DLGAP2: variants seen among roughly 807,000 people sequenced by gnomAD.
The protein encoded by DLGAP2 is DLG associated protein 2.
In DLGAP2, 26 loss-of-function variants were observed where a neutral mutation model predicts 100.3. The observed-to-expected ratio is 0.26, with a 90% CI of 0.19 to 0.36. The LOEUF (loss-of-function observed/expected upper bound fraction) is 0.36, where lower values mean the gene tolerates loss of function less well. DLGAP2 is among the 10% of genes least tolerant of loss of function. The pLI, the probability that DLGAP2 is intolerant of heterozygous loss-of-function variation, is 1.00. For missense variants in DLGAP2, 1,858 were observed against 1,453.2 expected, an observed-to-expected ratio of 1.28 and a Z score of -4.53; for synonymous variants, 886 against 630.1, an observed-to-expected ratio of 1.41 and a Z score of -6.08.
chr8:1,309,456 T>C (rs1800563409), intron 3 of DLGAP2, among the ~76,000 whole-genome samples: 1 of 152,144 alleles, frequency 6.6e-6, no homozygotes, highest in Non-Finnish European at 1.5e-5. Flanking sequence ...AATGGGATGA[T>C]AAAGTTCCTA....
At chr8:890,543 G>A (rs767661576) in intron 1 of DLGAP2, among the ~76,000 whole-genome samples, 2 of 151,864 alleles carry the variant, frequency 1.3e-5, no homozygotes, top group Non-Finnish European at 2.9e-5. Flanking sequence ...TCTGGGTCTC[G>A]ATGGCGCCTC....
chr8:1,230,377 A>G (rs1334165295), intron 2 of DLGAP2, among the ~76,000 whole-genome samples: 1 of 152,200 alleles, frequency 6.6e-6, no homozygotes, highest in Non-Finnish European at 1.5e-5. Context: ...ACAAGCAACC[A>G]AAAACATTCC....
chr8:909,027 A>T (rs1484628695), intron 2 of DLGAP2, among the ~76,000 whole-genome samples: 1 of 152,210 alleles, frequency 6.6e-6, no homozygotes, highest in East Asian at 1.9e-4. Flanking sequence ...CACCAGGTGT[A>T]TTGAGAAAAA....
intron 6 of DLGAP2, among the ~76,000 whole-genome samples, chr8:1,606,637 G>A (rs1796809481): frequency 6.6e-6 from 1 of 152,246 alleles, no homozygotes; most frequent in African/African-American, 2.4e-5. Flanking sequence ...TGTATACTTA[G>A]GTTGTTTCCT....
intron 1 of DLGAP2, among the ~76,000 whole-genome samples, chr8:751,355 G>A (rs148309336): frequency 7.9e-5 from 12 of 151,688 alleles, no homozygotes; most frequent in East Asian, 3.9e-4. Flanking sequence ...CCATCCTCTC[G>A]TGGAAAGGAG....
At chr8:940,251 A>G (rs1345877213) in intron 2 of DLGAP2, among the ~76,000 whole-genome samples, 1 of 152,084 alleles carries the variant, frequency 6.6e-6, no homozygotes, top group Non-Finnish European at 1.5e-5. Flanking sequence ...AATAATGGCG[A>G]CATTCTGAGC....
At chr8:1,160,205 A>G (rs1211614663) in intron 2 of DLGAP2, among the ~76,000 whole-genome samples, 1 of 152,180 alleles carries the variant, frequency 6.6e-6, no homozygotes, top group African/African-American at 2.4e-5. Context: ...TCACCGTAGA[A>G]AACACCTGTA....
chr8:1,255,007 T>C (rs114834423), intron 2 of DLGAP2, among the ~76,000 whole-genome samples: 1,903 of 30,862 alleles, frequency 0.062, 90 homozygotes, highest in African/African-American at 0.14. Flanking sequence ...CTCATCCTGC[T>C]TGGGCGCTGT....
At chr8:1,431,760 A>C (rs1416475607) in intron 3 of DLGAP2, among the ~76,000 whole-genome samples, 4 of 151,764 alleles carry the variant, frequency 2.6e-5, no homozygotes, top group Non-Finnish European at 5.9e-5. Flanking sequence ...CCTTTTCTTT[A>C]GTTTGGTGTT....
At chr8:1,181,733 T>C (rs1797392582) in intron 2 of DLGAP2, among the ~76,000 whole-genome samples, 1 of 152,048 alleles carries the variant, frequency 6.6e-6, no homozygotes, top group Non-Finnish European at 1.5e-5. Flanking sequence ...AAATTTGCAA[T>C]ACTGAAGCAA....
chr8:1,639,295 C>T (rs1000231041), intron 8 of DLGAP2, among the ~76,000 whole-genome samples: 1 of 152,090 alleles, frequency 6.6e-6, no homozygotes, highest in African/African-American at 2.4e-5. Context: ...AAGGTGGGAG[C>T]CAGGAGGGAT....
chr8:841,765 C>G (rs1185015063), intron 1 of DLGAP2, among the ~76,000 whole-genome samples: 1 of 152,134 alleles, frequency 6.6e-6, no homozygotes, highest in Admixed American at 6.5e-5. Context: ...TTTTTGAAGA[C>G]TAACCGTCAC....
At chr8:897,746 G>T (rs1798172088) in intron 1 of DLGAP2, among the ~76,000 whole-genome samples, 1 of 152,062 alleles carries the variant, frequency 6.6e-6, no homozygotes, top group African/African-American at 2.4e-5. Context: ...TGAGCCAGAA[G>T]CGAGCACCGC....
chr8:1,043,628 TGAAGGGGGAA>T (rs369150836), intron 2 of DLGAP2, among the ~76,000 whole-genome samples: 7 of 151,712 alleles, frequency 4.6e-5, no homozygotes, highest in Middle Eastern at 3.4e-3. Context: ...GGAAGGGGGA[TGAAGGGGGAA>T]CATGAGCTGT....
At chr8:1,699,916 C>G (rs1161860319) in intron 14 of DLGAP2, among the ~76,000 whole-genome samples, 1 of 152,218 alleles carries the variant, frequency 6.6e-6, no homozygotes, top group East Asian at 1.9e-4. Flanking sequence ...GAAACAGATC[C>G]TCTTCTCTCC....
chr8:1,495,256 G>A (rs1244999094), intron 3 of DLGAP2, among the ~76,000 whole-genome samples: 7 of 151,582 alleles, frequency 4.6e-5, no homozygotes, highest in African/African-American at 2.4e-5. Context: ...CAGGAGAAGC[G>A]ACACCAGACA....
intron 3 of DLGAP2, among the ~76,000 whole-genome samples, chr8:1,378,451 G>T (rs1466964012): frequency 6.7e-6 from 1 of 148,846 alleles, no homozygotes; most frequent in Non-Finnish European, 1.5e-5. Flanking sequence ...TGTCCATCCT[G>T]CGCACACCTG....
chr8:819,247 T>C (rs1217803635), intron 1 of DLGAP2, among the ~76,000 whole-genome samples: 1 of 152,220 alleles, frequency 6.6e-6, no homozygotes, highest in Admixed American at 6.5e-5. Flanking sequence ...TAGTAATGCA[T>C]AAGATAAGGA....
Position 1,430,027 on chromosome 8 carries a change from T to TATATATATATATAC in DLGAP2, c.107-71338_107-71337insTATATATATATACA, listed in dbSNP as rs1282725274. 8.3e-4 allele frequency among the ~76,000 whole-genome samples: 64 copies of TATATATATATATAC among 76,850 alleles called. 1 individual carries two copies. The highest frequency in any genetic ancestry group is 2.1e-3 in the South Asian group (4 of 1,890). The allele number at this position is 76,850 out of a possible 152,430, so 50.4% of individuals were successfully genotyped here. On this transcript the variant is annotated intron_variant, in intron 3 of 14. Transcript: ENST00000637795. ...ATATACATATATATATATATATATA[T>TATATATATATATAC]ACACACACACACATATGAACTTAGA...
Sources: allele counts gnomAD v4.1 joint callset (sites outside exome capture counted in the v4.1 genomes callset), GRCh38; gene constraint gnomAD v4.1.1; transcripts MANE v1.5; gene names NCBI Gene and HGNC (gene_info 2026-07-23, HGNC 2026-07-21).